Variants in MAP4K5 observed in about 807,000 individuals in gnomAD.
MAP4K5 encodes the protein mitogen-activated protein kinase kinase kinase kinase 5.
Under a neutral mutation model 135.6 loss-of-function variants are expected in MAP4K5, and 82 were observed. That is an observed-to-expected ratio of 0.60 (90% CI 0.51 to 0.73). The LOEUF is 0.73. Ranked by LOEUF, MAP4K5 falls within the 30% of genes least tolerant of loss-of-function variation. MAP4K5 has a pLI of 0.00. For missense variants in MAP4K5, 907 were observed against 1,010.9 expected, an observed-to-expected ratio of 0.90 and a Z score of 1.39; for synonymous variants, 347 against 335.0, an observed-to-expected ratio of 1.04 and a Z score of -0.39.
intron 14 of MAP4K5, 26 bp from the exon 15 acceptor site, chr14:50,448,858 C>T (rs2036418800): frequency 1.8e-6 from 2 of 1,084,258 alleles, no homozygotes; most frequent in Non-Finnish European, 2.6e-6. Flanking sequence ...CAGGTATGTA[C>T]AAACTCAGCA....
intron 3 of MAP4K5, among the ~76,000 whole-genome samples, chr14:50,493,912 C>T (rs903546614): frequency 4.0e-5 from 6 of 150,820 alleles, no homozygotes; most frequent in African/African-American, 9.7e-5. Context: ...CACTTGAATC[C>T]GGGAGGTGGA....
chr14:50,497,770 T>G (rs1488790137), intron 3 of MAP4K5, among the ~76,000 whole-genome samples: 13 of 151,874 alleles, frequency 8.6e-5, no homozygotes, highest in African/African-American at 1.2e-4. Context: ...AGAAACACAT[T>G]TAACTTATTT....
At position 50,448,830 on chromosome 14, in the gene MAP4K5, C is replaced by T. The variant is rs2036417908; in HGVS notation, c.1018G>A (p.Asp340Asn). Residue 340 changes from aspartate (D) to asparagine (N), a missense_variant and splice_region_variant, in exon 15 of 33, where the codon GAC (aspartate) becomes AAC (asparagine). Asp to Asn is a conservative substitution (Grantham distance 23, BLOSUM62 1). This residue lies in a region of MAP4K5 where 690 missense variants were observed against 777.4 expected (regional missense o/e 0.89). Transcript: ENST00000682126. ...AGAGGAGGTTCAAATTGTAATTTGT[C>T]AACTGCAAAATATATAACAGGTATG... ...AERTASEINF[D>N]KLQFEPPLRK... The T allele has an allele frequency of 2.7e-6, 4 of 1,482,708 alleles. No homozygotes were observed. The South Asian group carries it at 3.7e-5, about 14-fold the overall frequency. 91.8% of individuals were successfully genotyped at this position (1,482,708 alleles called of 1,614,324 possible). A position where few individuals can be genotyped will look rare whatever the true frequency, so the allele number is the denominator to read the frequency against.
chr14:50,514,269 G>C (rs1228364051), intron 2 of MAP4K5, among the ~76,000 whole-genome samples: 1 of 151,562 alleles, frequency 6.6e-6, no homozygotes, highest in African/African-American at 2.4e-5. Flanking sequence ...TTTTAGTAGA[G>C]AGAGGGTATC....
chr14:50,420,105 C>T lies in MAP4K5; in HGVS notation c.2455G>A (p.Val819Ile), dbSNP rs1304259588. 1.3e-5 allele frequency: 21 copies of T among 1,599,598 alleles called. No homozygotes were observed. Among genetic ancestry groups the T allele is most frequent in the Non-Finnish European group, 1.8e-5 (21 of 1,170,010 alleles). ...GTTGGCCTACTTTCCAAAACGACAACCCTGTAATTAAACCAAAACAAAGGG... is the reference window on the plus strand; with the variant it reads ...GTTGGCCTACTTTCCAAAACGACAATCCTGTAATTAAACCAAAACAAAGGG... ...RVFRLLGSDRVVVLESRPTEN... is the reference protein window; with the variant it reads ...RVFRLLGSDRIVVLESRPTEN... Residue 819 changes from valine (V) to isoleucine (I), a missense_variant and splice_region_variant, in exon 33 of 33, where the codon GTT becomes ATT. Val to Ile is a conservative substitution (Grantham distance 29). Transcript: ENST00000682126.
intron 30 of MAP4K5, among the ~76,000 whole-genome samples, chr14:50,427,862 A>G (rs2139637251): frequency 1.3e-5 from 2 of 152,378 alleles, no homozygotes; most frequent in South Asian, 4.1e-4. Context: ...CTAGCTATTT[A>G]TATAAAAATA....
At chr14:50,553,247 G>A (rs2038724728) in intron 1 of MAP4K5, among the ~76,000 whole-genome samples, 2 of 150,922 alleles carry the variant, frequency 1.3e-5, no homozygotes, top group African/African-American at 2.4e-5. Context: ...CTCCAGCCTG[G>A]GTGACAAAGC....
At chr14:50,537,303 G>C (rs938957824), upstream of MAP4K5, among the ~76,000 whole-genome samples, 1 of 152,232 alleles carries the variant, frequency 6.6e-6, no homozygotes, top group Non-Finnish European at 1.5e-5. Context: ...GTCAAGAATT[G>C]AGGTTTGGGA....
At position 50,485,639 on chromosome 14, in the gene MAP4K5, C is replaced by T. The variant is rs182690959; in HGVS notation, c.261G>A (p.Arg87=). The change falls in exon 5 of 33, where the codon CGG becomes CGA. Residue 87 remains arginine (R), a synonymous_variant. Coordinates refer to ENST00000682126, the MANE Select transcript of MAP4K5 (RefSeq NM_006575.6). ...ATTCCATACAAATCCATAGTTTTTC[C>T]CGACTAATACAAAAAAAAAAGAAAA... The part of the protein sequence containing the change: ...IVAYFGSYLS[R]EKLWICMEYC... 608 of 1,535,054 alleles carry T rather than the reference C, an allele frequency of 4.0e-4. No homozygotes were observed. The highest frequency in any genetic ancestry group is 4.5e-4 in the Non-Finnish European group (513 of 1,134,564).
chr14:50,517,975 A>G (rs907224373), intron 2 of MAP4K5, among the ~76,000 whole-genome samples: 2 of 152,178 alleles, frequency 1.3e-5, no homozygotes, highest in African/African-American at 4.8e-5. Flanking sequence ...CTGAAGCATC[A>G]GGTACCTCAG....
intron 3 of MAP4K5, among the ~76,000 whole-genome samples, chr14:50,490,130 AGTGTGTGTGT>A (rs34549753): frequency 8.3e-5 from 10 of 121,206 alleles, no homozygotes; most frequent in African/African-American, 2.9e-4. Context: ...AGCGAGTGAG[AGTGTGTGTGT>A]GTGTGTGTGT....
At chr14:50,553,948 G>A (rs1016245888) in intron 1 of MAP4K5, among the ~76,000 whole-genome samples, 10 of 152,032 alleles carry the variant, frequency 6.6e-5, no homozygotes, top group Non-Finnish European at 1.2e-4. Flanking sequence ...TGGGGACTCC[G>A]GGCAAAGGGT....
At position 50,449,338 on chromosome 14, in the gene MAP4K5, A is replaced by C. The variant is rs547464984; in HGVS notation, c.1016-506T>G. ...TATTTGGCCTAGTCATACTGACTTC[A>C]GAGTTATTCAAAATATTCAAAGAGT... On this transcript the variant is annotated intron_variant, in intron 14 of 32. Coordinates refer to ENST00000682126, the MANE Select transcript of MAP4K5 (RefSeq NM_006575.6). 6 of 152,462 alleles carry C rather than the reference A, an allele frequency of 3.9e-5. No homozygotes were observed. The East Asian group carries it at 9.6e-4, about 24-fold the overall frequency. The allele number at this position is 152,462 out of a possible 1,614,324, so 9.4% of individuals were successfully genotyped here.
intron 14 of MAP4K5, chr14:50,449,366 CTTCTT>C (rs2036431893): frequency 6.6e-6 from 1 of 152,132 alleles, no homozygotes; most frequent in African/African-American, 2.4e-5. Flanking sequence ...CAAAGAGTAA[CTTCTT>C]TTCTATAAAA....
intron 31 of MAP4K5, among the ~76,000 whole-genome samples, chr14:50,424,056 A>G (rs1397812754): frequency 1.3e-5 from 2 of 151,756 alleles, no homozygotes; most frequent in Non-Finnish European, 2.9e-5. Flanking sequence ...TCCTCATTCC[A>G]TCACTTGTCT....
At chr14:50,482,504 C>A in intron 5 of MAP4K5, 88 bp from the exon 6 acceptor site, 1 of 883,638 alleles carries the variant, frequency 1.1e-6, no homozygotes, top group Non-Finnish European at 1.7e-6. Context: ...CTAGGCCAAG[C>A]GCAGTGGCTC....
chr14:50,532,424 T>C (rs1019544517), intron 1 of MAP4K5, 24 bp downstream of exon 1: 21 of 176,434 alleles, frequency 1.2e-4, no homozygotes, highest in African/African-American at 5.0e-4. Context: ...CCCGTCTTTG[T>C]TGAGCGCGGA....
intron 26 of MAP4K5, among the ~76,000 whole-genome samples, chr14:50,437,257 G>A (rs1024089974): frequency 6.6e-6 from 1 of 152,100 alleles, no homozygotes; most frequent in African/African-American, 2.4e-5. Context: ...AAAAACTCTA[G>A]GAACACTATG....
intron 21 of MAP4K5, among the ~76,000 whole-genome samples, chr14:50,441,807 C>A (rs1440472090): frequency 6.6e-6 from 1 of 150,426 alleles, no homozygotes; most frequent in African/African-American, 2.5e-5. Context: ...CATATATATA[C>A]CCCCTCTGTC....
Sources: gnomAD v4.1 joint callset for allele counts (sites outside exome capture counted in the v4.1 genomes callset) on GRCh38, gnomAD v4.1.1 for gene constraint, gnomAD v4.1.1 regional missense constraint, MANE v1.5 for transcripts, NCBI Gene and HGNC (gene_info 2026-07-23, HGNC 2026-07-21) for gene names.